Variants in EPG5 observed in about 807,000 individuals in gnomAD.
EPG5 encodes ectopic P-granules 5 autophagy tethering factor, also known as ectopic P granules protein 5 homolog.
Under a neutral mutation model 302.7 loss-of-function variants are expected in EPG5, and 159 were observed. The observed-to-expected ratio is 0.53, with a 90% CI of 0.46 to 0.60. The LOEUF (loss-of-function observed/expected upper bound fraction) is 0.60, where lower values mean the gene tolerates loss of function less well. Ranked by LOEUF, EPG5 falls within the 20% of genes least tolerant of loss-of-function variation. The pLI is 0.00. For synonymous variants in EPG5, 1,158 were observed against 1,136.8 expected, an observed-to-expected ratio of 1.02 and a Z score of -0.37; for missense variants, 2,896 against 3,092.4, an observed-to-expected ratio of 0.94 and a Z score of 1.51.
In EPG5 at chr18:45,908,016, G is replaced by A. The variant is rs2049797741; in HGVS notation, c.4271C>T (p.Pro1424Leu). Reference sequence around the variant, plus strand: ...AATATCATAATGCTTTGGTAGAGAAGGGATATAGGTATCTCCTTTTTGAAA... The same window carrying A: ...AATATCATAATGCTTTGGTAGAGAAAGGATATAGGTATCTCCTTTTTGAAA... Reference protein sequence around the residue: ...ENFQKGDTYIPSLPKHYDIHR... With the variant: ...ENFQKGDTYILSLPKHYDIHR... Residue 1424 changes from proline (P) to leucine (L), a missense_variant, in exon 24 of 44, where the codon CCT becomes CTT. This residue lies in a region of EPG5 where 790 missense variants were observed against 798.0 expected (regional missense o/e 0.99). Coordinates refer to ENST00000282041, the MANE Select transcript of EPG5 (RefSeq NM_020964.3). The A allele has an allele frequency of 1.3e-6, 2 of 1,599,622 alleles. No homozygotes were observed. Among genetic ancestry groups the A allele is most frequent in the East Asian group, 2.3e-5 (1 of 44,408 alleles).
chr18:45,936,770 A>G (rs1599609790), intron 10 of EPG5, among the ~76,000 whole-genome samples: 1 of 144,768 alleles, frequency 6.9e-6, no homozygotes. Context: ...ACAGCAACTT[A>G]CCTGTTATTA....
intron 26 of EPG5, among the ~76,000 whole-genome samples, chr18:45,900,570 A>G (rs1367099199): frequency 2.0e-5 from 3 of 152,222 alleles, no homozygotes. Flanking sequence ...TTGTGAACTC[A>G]AAACAATGAC....
intron 10 of EPG5, among the ~76,000 whole-genome samples, chr18:45,939,184 T>G (rs1432023396): frequency 6.6e-6 from 1 of 152,178 alleles, no homozygotes; most frequent in Non-Finnish European, 1.5e-5. Flanking sequence ...TCCCAGACCT[T>G]AAAACCCTTA....
chr18:45,870,466 C>T (rs1393214254), intron 36 of EPG5, 101 bp downstream of exon 36: 9 of 1,045,524 alleles, frequency 8.6e-6, no homozygotes, highest in South Asian at 5.3e-5. Flanking sequence ...TCATGGTCCA[C>T]GCTAGCACAC....
chr18:45,940,539 C>T (rs1461816496), intron 9 of EPG5, among the ~76,000 whole-genome samples: 4 of 151,678 alleles, frequency 2.6e-5, no homozygotes, highest in East Asian at 3.9e-4. Flanking sequence ...GCAGTGAAGG[C>T]GGTAAGAAGC....
chr18:45,966,038 A>ACTGT (rs1259032286), intron 1 of EPG5, among the ~76,000 whole-genome samples: 1 of 147,658 alleles, frequency 6.8e-6, no homozygotes, highest in African/African-American at 2.5e-5. Context: ...TCCAGCCTGG[A>ACTGT]CGACAGAGCG....
At chr18:45,837,733 C>G in the EPG5 span, 968 of 1,506,386 alleles carry the variant, frequency 6.4e-4, no homozygotes, top group Non-Finnish European at 7.0e-4. Flanking sequence ...TGAGCCTGCA[C>G]GGCCGCTTCC....
In EPG5 at chr18:45,955,193, T is replaced by C. The variant is rs1440942364; in HGVS notation, c.209A>G (p.Asp70Gly). The C allele has an allele frequency of 3.7e-6, 6 of 1,614,208 alleles. No individual in the cohort carries two copies. The highest frequency in any genetic ancestry group is 4.2e-6 in the Non-Finnish European group (5 of 1,180,040). ...ACTCTCATTTTGTCCACTGGCATCA[T>C]CCTGGAGCTGGGAATCAGTTACCAC... ...LKVVTDSQLQ[D>G]DASGQNESEM... The change falls in exon 2 of 44, where the codon GAT (aspartate) becomes GGT (glycine). Residue 70 changes from aspartate (D) to glycine (G), a missense_variant. Transcript: ENST00000282041.
chr18:45,884,471 G>A, intron 30 of EPG5, 146 bp downstream of exon 30: 1 of 647,834 alleles, frequency 1.5e-6, no homozygotes, highest in Non-Finnish European at 2.5e-6. Context: ...CAGACTGCTT[G>A]AAGCTCATGC....
chr18:45,883,031 A>AAAAAAG (rs1555667436), intron 30 of EPG5, among the ~76,000 whole-genome samples: 2 of 147,496 alleles, frequency 1.4e-5, no homozygotes, highest in African/African-American at 5.0e-5. Context: ...AAAAAAAAAA[A>AAAAAAG]GTAGTTCACT....
intron 39 of EPG5, 50 bp downstream of exon 39, chr18:45,865,565 G>C: frequency 6.3e-7 from 1 of 1,593,764 alleles, no homozygotes; most frequent in Non-Finnish European, 8.6e-7. Flanking sequence ...CTTACGCACA[G>C]CAGGAATGCA....
At chr18:45,803,194 T>C in the EPG5 span, among the ~76,000 whole-genome samples, 2 of 152,164 alleles carry the variant, frequency 1.3e-5, no homozygotes, top group African/African-American at 4.8e-5. Context: ...TTATAAAATA[T>C]GGGATGAGGC....
downstream of EPG5, among the ~76,000 whole-genome samples, chr18:45,846,014 T>C (rs2145102562): frequency 6.6e-6 from 1 of 152,306 alleles, no homozygotes; most frequent in South Asian, 2.1e-4. Flanking sequence ...TTTTCACTTG[T>C]ACCTCACTGG....
the EPG5 span, among the ~76,000 whole-genome samples, chr18:45,804,475 C>T: frequency 6.6e-6 from 1 of 152,216 alleles, no homozygotes; most frequent in Non-Finnish European, 1.5e-5. Context: ...CATGCCTGGG[C>T]ACATTAGAGT....
At chr18:45,873,425 G>A (rs1179998817) in intron 35 of EPG5, among the ~76,000 whole-genome samples, 1 of 151,782 alleles carries the variant, frequency 6.6e-6, no homozygotes, top group Non-Finnish European at 1.5e-5. Context: ...CAGGAGAATC[G>A]CCTGAACCCA....
the EPG5 span, among the ~76,000 whole-genome samples, chr18:45,804,352 A>G: frequency 6.6e-6 from 1 of 152,144 alleles, no homozygotes; most frequent in African/African-American, 2.4e-5. Flanking sequence ...CATGGGGTAG[A>G]AAAAAATTAT....
chr18:45,911,091 A>G (rs1259635569), intron 22 of EPG5, among the ~76,000 whole-genome samples: 1 of 143,492 alleles, frequency 7.0e-6, no homozygotes, highest in Non-Finnish European at 1.5e-5. Context: ...ACACACACAC[A>G]CACACACACA....
At chr18:45,899,212 T>C (rs934596683) in intron 27 of EPG5, among the ~76,000 whole-genome samples, 192 bp downstream of exon 27, 4 of 152,176 alleles carry the variant, frequency 2.6e-5, no homozygotes, top group African/African-American at 9.7e-5. Flanking sequence ...TGAATATCTG[T>C]CTTATAGGAC....
In EPG5 at chr18:45,879,035, G is replaced by A. The variant is rs770537822; in HGVS notation, c.5847C>T (p.Asp1949=). Residue 1949 remains aspartate (D), a synonymous_variant, in exon 33 of 44, where the codon GAC becomes GAT. Coordinates refer to ENST00000282041, the MANE Select transcript of EPG5 (RefSeq NM_020964.3). The part of the protein sequence containing the change: ...IDLEMTCLAQ[D]PTASRKTVLK... The stretch of plus-strand genomic sequence containing the variant: ...TACCTGTTTTCCTGCTGGCAGTTGG[G>A]TCTTGGGCCAAACAGGTCATTTCTA... 1 of 1,614,096 alleles carries A rather than the reference G, an allele frequency of 6.2e-7. No homozygotes were observed. Among genetic ancestry groups the A allele is most frequent in the Non-Finnish European group, 8.5e-7 (1 of 1,180,020 alleles).
Sources: gnomAD v4.1 joint callset for allele counts (sites outside exome capture counted in the v4.1 genomes callset) on GRCh38, gnomAD v4.1.1 for gene constraint, gnomAD v4.1.1 regional missense constraint, MANE v1.5 for transcripts, NCBI Gene and HGNC (gene_info 2026-07-23, HGNC 2026-07-21) for gene names.